The following SKA3 variants were observed in gnomAD, a reference collection of about 807,000 sequenced individuals.
SKA3 encodes the protein spindle and kinetochore associated complex subunit 3, also known as spindle and kinetochore-associated protein 3.
Under a neutral mutation model 44.2 loss-of-function variants are expected in SKA3, and 39 were observed. The observed-to-expected ratio is 0.88, with a 90% CI of 0.68 to 1.15. The LOEUF is 1.15. Among genes scored for constraint, SKA3 ranks in the 50% most tolerant of loss-of-function variants. The pLI is 0.00. For synonymous variants in SKA3, 192 were observed against 172.0 expected, an observed-to-expected ratio of 1.12 and a Z score of -0.91; for missense variants, 511 against 485.8, an observed-to-expected ratio of 1.05 and a Z score of -0.49.
chr13:21,163,696 A>T (rs1224403188), intron 4 of SKA3, among the ~76,000 whole-genome samples: 1 of 152,142 alleles, frequency 6.6e-6, no homozygotes, highest in Non-Finnish European at 1.5e-5. Flanking sequence ...TCATTTTTTT[A>T]TTTGAATTTC....
At chr13:21,155,658 C>T in intron 8 of SKA3, 35 bp downstream of exon 8, 1 of 925,246 alleles carries the variant, frequency 1.1e-6, no homozygotes. Flanking sequence ...CCTCAAATAA[C>T]ACATGAACTT....
At chr13:21,168,885 C>T (rs1200574450) in intron 3 of SKA3, among the ~76,000 whole-genome samples, 4 of 152,078 alleles carry the variant, frequency 2.6e-5, no homozygotes, top group African/African-American at 4.8e-5. Flanking sequence ...CTTGTGCACC[C>T]ATATCTCATT....
In SKA3 at chr13:21,168,294, C is replaced by T. The variant is rs755391347; in HGVS notation, c.437G>A (p.Ser146Asn). The change falls in exon 4 of 9, where the codon AGT (serine) becomes AAT (asparagine). Residue 146 changes from serine to asparagine, a missense_variant. Transcript: ENST00000314759. ...ACGTGGAGACTTCTCAGAAATACAACTGCTTGCAACAGGAGGATCAGACAG... is the reference window on the plus strand; with the variant it reads ...ACGTGGAGACTTCTCAGAAATACAATTGCTTGCAACAGGAGGATCAGACAG... ...DDLSDPPVAS[S>N]CISEKSPRSP... 6.8e-6 allele frequency: 11 copies of T among 1,614,188 alleles called. No homozygotes were observed. Among genetic ancestry groups the T allele is most frequent in the South Asian group, 6.6e-5 (6 of 91,088 alleles).
chr13:21,159,043 C>T (rs371808548), intron 6 of SKA3, among the ~76,000 whole-genome samples: 1 of 152,026 alleles, frequency 6.6e-6, no homozygotes, highest in Non-Finnish European at 1.5e-5. Flanking sequence ...AATATAGTAG[C>T]CACAGCCACA....
intron 4 of SKA3, among the ~76,000 whole-genome samples, chr13:21,162,368 A>ATTTTTT (rs71090571): frequency 6.8e-6 from 1 of 147,562 alleles, no homozygotes; most frequent in Non-Finnish European, 1.5e-5. Context: ...TTGTGTAAAC[A>ATTTTTT]TTTTTTTTTT....
chr13:21,175,511 T>C (rs948538834), intron 1 of SKA3, among the ~76,000 whole-genome samples: 10 of 145,870 alleles, frequency 6.9e-5, no homozygotes, highest in African/African-American at 2.5e-4. Flanking sequence ...CTCCTGACCT[T>C]GTGATCCGCC....
At position 21,158,026 on chromosome 13, in the gene SKA3, C is replaced by G. The variant is rs1870222114; in HGVS notation, c.1015G>C (p.Glu339Gln). The change falls in exon 7 of 9, where the codon GAG becomes CAG. Residue 339 changes from glutamate (E) to glutamine (Q), a missense_variant. Coordinates refer to ENST00000314759, the MANE Select transcript of SKA3 (RefSeq NM_145061.6). ...SLVLNSDTCF[E>Q]NLTDPSSPTI... ...GGTGAAGAGGGATCTGTTAAATTCT[C>G]AAAGCATGTGTCTGAATTTAAAACC... is the stretch of plus-strand genomic sequence containing the variant. 6.2e-7 allele frequency: 1 copy of G among 1,612,970 alleles called. No homozygotes were observed. The highest frequency in any genetic ancestry group is 1.1e-5 in the South Asian group (1 of 91,078).
chr13:21,168,434 C>A, intron 3 of SKA3, 35 bp from the exon 4 acceptor site: 2 of 1,513,028 alleles, frequency 1.3e-6, no homozygotes, highest in Non-Finnish European at 1.8e-6. Context: ...TGGTCAAACT[C>A]AAAATGGAAA....
chr13:21,158,415 G>C (rs1338013552), intron 6 of SKA3, among the ~76,000 whole-genome samples: 1 of 152,056 alleles, frequency 6.6e-6, no homozygotes, highest in African/African-American at 2.4e-5. Flanking sequence ...GAGGTCAGGA[G>C]TTTGAGACCA....
rs1461827295 is a variant in SKA3, at chr13:21,154,944, CTG to C, written c.*204_*205del. The C allele has an allele frequency of 3.9e-5, 30 of 776,206 alleles. No individual in the cohort carries two copies. Among genetic ancestry groups the C allele is most frequent in the Non-Finnish European group, 1.0e-5 (5 of 482,986 alleles). The allele number at this position is 776,206 out of a possible 1,614,324, so 48.1% of individuals were successfully genotyped here. Reference sequence around the variant, plus strand: ...CTAATAATCCTTAAAGAGTGAATGACTGGGCTACATGTCAACAAGACTAAGGT... The same window carrying C: ...CTAATAATCCTTAAAGAGTGAATGACGGCTACATGTCAACAAGACTAAGGT... On this transcript the variant is annotated 3_prime_UTR_variant, in exon 9 of 9. Transcript: ENST00000314759.
rs778751904 is a variant in SKA3, at chr13:21,170,912, T to TATGC, written c.331+1426_331+1427insGCAT. Among the ~76,000 whole-genome samples, 87 of 151,484 alleles carry TATGC rather than the reference T, an allele frequency of 5.7e-4. 1 individual carries two copies. Among genetic ancestry groups the TATGC allele is most frequent in the Middle Eastern group, 6.8e-3 (2 of 294 alleles). ...TGGTGGTGGTGGTATGGGTTGTTTG[T>TATGC]ATGTATGTATGTATGTATGTATTTT... is the stretch of plus-strand genomic sequence containing the variant. On this transcript the variant is annotated intron_variant, in intron 3 of 8. Coordinates refer to ENST00000314759, the MANE Select transcript of SKA3 (RefSeq NM_145061.6).
intron 1 of SKA3, among the ~76,000 whole-genome samples, chr13:21,174,827 G>A (rs1199864245): frequency 1.3e-5 from 2 of 152,022 alleles, no homozygotes; most frequent in Admixed American, 6.6e-5. Context: ...CAAACACTTG[G>A]TAATTTTCTC....
At chr13:21,160,080 C>G in intron 5 of SKA3, 93 bp from the exon 6 acceptor site, 1 of 691,566 alleles carries the variant, frequency 1.4e-6, no homozygotes, top group Non-Finnish European at 2.1e-6. Flanking sequence ...ATGTAATTAT[C>G]ATTAGCACTA....
chr13:21,169,791 C>T (rs1307111163), intron 3 of SKA3, among the ~76,000 whole-genome samples: 1 of 152,094 alleles, frequency 6.6e-6, no homozygotes, highest in Non-Finnish European at 1.5e-5. Flanking sequence ...CATGTGCCAC[C>T]ATGCCCAGAT....
chr13:21,175,551 C>CA (rs1298453689), intron 1 of SKA3, among the ~76,000 whole-genome samples: 2 of 152,208 alleles, frequency 1.3e-5, no homozygotes, highest in African/African-American at 2.4e-5. Flanking sequence ...GCTAGGATTA[C>CA]AGGCGTGAGC....
chr13:21,167,622 C>A (rs528181800), intron 4 of SKA3, among the ~76,000 whole-genome samples: 4 of 151,950 alleles, frequency 2.6e-5, no homozygotes, highest in Non-Finnish European at 4.4e-5. Flanking sequence ...AAAAAATTAG[C>A]CAGGCGTGGT....
intron 1 of SKA3, 82 bp downstream of exon 1, chr13:21,176,293 G>A: frequency 9.2e-7 from 1 of 1,088,100 alleles, no homozygotes. Flanking sequence ...GGCGGTTCCC[G>A]TGGGACATAC....
chr13:21,176,258 G>GCAGCCGTCCACGCCGTCAGTGC, intron 1 of SKA3, 117 bp downstream of exon 1: 1 of 814,884 alleles, frequency 1.2e-6, no homozygotes, highest in South Asian at 2.0e-5. Flanking sequence ...CGCCTCGGTG[G>GCAGCCGTCCACGCCGTCAGTGC]CAGCCGTCCA....
intron 1 of SKA3, among the ~76,000 whole-genome samples, chr13:21,174,398 G>T (rs1871293682): frequency 7.4e-6 from 1 of 134,734 alleles, no homozygotes; most frequent in African/African-American, 3.1e-5. Context: ...ACCATGTGCA[G>T]CCATAAAAAA....
Sources: gnomAD v4.1 joint callset for allele counts (sites outside exome capture counted in the v4.1 genomes callset) on GRCh38, gnomAD v4.1.1 for gene constraint, MANE v1.5 for transcripts, NCBI Gene and HGNC (gene_info 2026-07-23, HGNC 2026-07-21) for gene names.